SLC8B1: variants seen among roughly 807,000 people sequenced by gnomAD.
SLC8B1 encodes mitochondrial sodium/calcium exchanger protein.
In SLC8B1, 52 loss-of-function variants were observed where a neutral mutation model predicts 63.4. The observed-to-expected ratio is 0.82, with a 90% CI of 0.66 to 1.03. The LOEUF is 1.03. Ranked by LOEUF, SLC8B1 falls within the 50% of genes least tolerant of loss-of-function variation. The pLI is 0.00. For missense variants in SLC8B1, 657 were observed against 741.7 expected, an observed-to-expected ratio of 0.89 and a Z score of 1.33; for synonymous variants, 336 against 323.9, an observed-to-expected ratio of 1.04 and a Z score of -0.40.
At chr12:113,330,752 T>C (rs1160014492) in intron 2 of SLC8B1, among the ~76,000 whole-genome samples, 1 of 152,194 alleles carries the variant, frequency 6.6e-6, no homozygotes, top group East Asian at 1.9e-4. Flanking sequence ...TTGAAGGCAC[T>C]TTGCAGCCTC....
chr12:113,318,072 T>C (rs1956860876), intron 8 of SLC8B1, among the ~76,000 whole-genome samples: 1 of 152,120 alleles, frequency 6.6e-6, no homozygotes, highest in Non-Finnish European at 1.5e-5. Flanking sequence ...CATGTGTGCA[T>C]ATATTTGTGT....
chr12:113,306,684 G>T, intron 13 of SLC8B1, 109 bp from the exon 14 acceptor site: 1 of 890,678 alleles, frequency 1.1e-6, no homozygotes, highest in Non-Finnish European at 1.8e-6. Context: ...AACACAGATG[G>T]ATGCCCAAGT....
At position 113,299,294 on chromosome 12, in the gene SLC8B1, G is replaced by A. The variant is rs186328084; in HGVS notation, c.*483C>T. 33 of 175,874 alleles carry A rather than the reference G, an allele frequency of 1.9e-4. No individual in the cohort carries two copies. Among genetic ancestry groups the A allele is most frequent in the Admixed American group, 3.2e-4 (6 of 18,488 alleles). The allele number at this position is 175,874 out of a possible 1,614,324, so 10.9% of individuals were successfully genotyped here. A position where few individuals can be genotyped will look rare whatever the true frequency, so the allele number is the denominator to read the frequency against. ...GCGGCTCTGGAGCTCAGCCCTCGGC[G>A]GCCTGATTCCCAGGGGTCCAAGCCA... On this transcript the variant is annotated 3_prime_UTR_variant, in exon 16 of 16. Transcript: ENST00000680972.
chr12:113,302,895 G>A (rs190908821), intron 15 of SLC8B1, among the ~76,000 whole-genome samples: 86 of 152,280 alleles, frequency 5.6e-4, no homozygotes, highest in African/African-American at 2.0e-3. Flanking sequence ...GTTTCAAAGC[G>A]ACTTGTGGTT....
chr12:113,332,823 AG>A lies in SLC8B1; in HGVS notation c.55del (p.Leu19Ter). ...AGTCCCAGACACTGTCTCCGCCATTAGCAGCACACAAAGCACACTCAGTGCC... is the reference window on the plus strand; with the variant it reads ...AGTCCCAGACACTGTCTCCGCCATTACAGCACACAAAGCACACTCAGTGCC... The part of the protein sequence containing the change: ...RWALSVLCVL[L>X]MAETVSGTRG... On this transcript the variant is annotated frameshift_variant, in exon 2 of 16. Transcript: ENST00000680972. LOFTEE classifies it high-confidence loss of function. 1 of 1,614,200 alleles carries A rather than the reference AG, an allele frequency of 6.2e-7. No homozygotes were observed. The highest frequency in any genetic ancestry group is 8.5e-7 in the Non-Finnish European group (1 of 1,180,034).
At chr12:113,325,338 C>T (rs1243703294) in intron 2 of SLC8B1, among the ~76,000 whole-genome samples, 3 of 152,206 alleles carry the variant, frequency 2.0e-5, no homozygotes, top group African/African-American at 7.2e-5. Context: ...ACTTCAGCCT[C>T]GAACTCCTGG....
intron 10 of SLC8B1, 129 bp downstream of exon 10, chr12:113,316,397 A>G: frequency 8.0e-7 from 1 of 1,247,532 alleles, no homozygotes; most frequent in African/African-American, 1.5e-5. Context: ...CCATCAAATC[A>G]CAAGTCATGT....
At chr12:113,300,849 C>T (rs897589023) in intron 15 of SLC8B1, among the ~76,000 whole-genome samples, 2 of 152,168 alleles carry the variant, frequency 1.3e-5, no homozygotes, top group Admixed American at 6.5e-5. Flanking sequence ...AATATGGATG[C>T]GTTAGGCCGG....
intron 2 of SLC8B1, among the ~76,000 whole-genome samples, chr12:113,323,820 C>G (rs1163288342): frequency 2.0e-5 from 3 of 152,182 alleles, no homozygotes; most frequent in Non-Finnish European, 4.4e-5. Context: ...TCCACAAGCC[C>G]TCTCTGAACT....
intron 2 of SLC8B1, among the ~76,000 whole-genome samples, chr12:113,327,944 C>T (rs1247344831): frequency 1.4e-5 from 2 of 145,418 alleles, no homozygotes; most frequent in East Asian, 2.0e-4. Flanking sequence ...CACCATTGCA[C>T]TCCAGCCTAG....
At chr12:113,300,573 C>G (rs572171440) in intron 15 of SLC8B1, among the ~76,000 whole-genome samples, 2 of 152,356 alleles carry the variant, frequency 1.3e-5, no homozygotes, top group South Asian at 4.1e-4. Flanking sequence ...TTAAGGAAGA[C>G]TGGCCTGCAG....
Position 113,320,630 on chromosome 12 carries a change from C to T in SLC8B1, c.477G>A (p.Val159=). 1 of 1,614,102 alleles carries T rather than the reference C, an allele frequency of 6.2e-7. No individual in the cohort carries two copies. Among genetic ancestry groups the T allele is most frequent in the South Asian group, 1.1e-5 (1 of 91,084 alleles). ...NGAPDIFSAL[V]AFSDPHTAGL... ...CGGCTGTGTGCGGGTCAGAGAAGGC[C>T]ACCAGGGCACTGAAGATGTCAGGTG... Residue 159 remains valine, a synonymous_variant, in exon 6 of 16, where the codon GTG becomes GTA. Coordinates refer to ENST00000680972, the MANE Select transcript of SLC8B1 (RefSeq NM_001358345.2). The surrounding 1 kb of genome is among the most constrained non-coding windows in gnomAD (Gnocchi z 5.3).
chr12:113,315,332 C>G lies in SLC8B1; in HGVS notation c.1135+3G>C, dbSNP rs1403979489. On this transcript the variant is annotated splice_donor_region_variant and intron_variant, in intron 11 of 15. Transcript: ENST00000680972. ...GGGTTGGCCCGGGGTAGGGGATACT[C>G]ACAGGTCCCCGACTGCAGGGTCAGG... 4 of 1,529,820 alleles carry G rather than the reference C, an allele frequency of 2.6e-6. No individual in the cohort carries two copies. Among genetic ancestry groups the G allele is most frequent in the Non-Finnish European group, 2.6e-6 (3 of 1,135,256 alleles). 94.8% of individuals were successfully genotyped at this position (1,529,820 alleles called of 1,614,324 possible).
Position 113,316,950 on chromosome 12 carries a change from T to C in SLC8B1, c.854A>G (p.Tyr285Cys), listed in dbSNP as rs1289845708. 1.1e-5 allele frequency: 17 copies of C among 1,613,450 alleles called. No homozygotes were observed. The East Asian group carries it at 1.1e-4, about 11-fold the overall frequency. The stretch of plus-strand genomic sequence containing the variant: ...ACAGGGCACGGACTCACCGTAGTCA[T>C]AGCTGTTGGTATTAGAAGATACCCG... ...EDRVSSNTNS[Y>C]DYGDEYRPLF... Residue 285 changes from tyrosine to cysteine, a missense_variant, in exon 9 of 16, where the codon TAT becomes TGT. Tyr to Cys is a radical substitution (Grantham distance 194, BLOSUM62 -2). Coordinates refer to ENST00000680972, the MANE Select transcript of SLC8B1 (RefSeq NM_001358345.2).
intron 2 of SLC8B1, 107 bp downstream of exon 2, chr12:113,332,616 A>C: frequency 7.5e-7 from 1 of 1,333,898 alleles, no homozygotes; most frequent in Non-Finnish European, 1.0e-6. Flanking sequence ...TCCCCGGTAT[A>C]TCCCAGGCTG....
At chr12:113,304,733 C>G (rs1956649092) in intron 14 of SLC8B1, among the ~76,000 whole-genome samples, 1 of 152,168 alleles carries the variant, frequency 6.6e-6, no homozygotes, top group South Asian at 2.1e-4. Context: ...TCCCAAGTAG[C>G]TGGGATCACA....
Position 113,306,549 on chromosome 12 carries a change from G to C in SLC8B1, c.1438C>G (p.Arg480Gly). 8 of 1,613,994 alleles carry C rather than the reference G, an allele frequency of 5.0e-6. No homozygotes were observed. Among genetic ancestry groups the C allele is most frequent in the Non-Finnish European group, 6.8e-6 (8 of 1,179,964 alleles). Residue 480 changes from arginine to glycine, a missense_variant, in exon 14 of 16, where the codon CGC becomes GGC. Transcript: ENST00000680972. ...GDAFSDFTLA[R>G]QGYPRMAFSA... is the part of the protein sequence containing the mutation. ...AACGCCATCCGTGGGTAGCCCTGGC[G>C]AGCCAGTGTGAAATCCGAGAAGGCA...
chr12:113,334,125 A>G (rs1311552127), intron 1 of SLC8B1, among the ~76,000 whole-genome samples: 3 of 152,232 alleles, frequency 2.0e-5, no homozygotes, highest in African/African-American at 4.8e-5. Flanking sequence ...ACCGCGGGTT[A>G]GCAGTGGGGC....
chr12:113,319,100 G>A, intron 7 of SLC8B1, 29 bp from the exon 8 acceptor site: 1 of 1,558,318 alleles, frequency 6.4e-7, no homozygotes. Context: ...CCGTCACCAA[G>A]TGGTGTCCTG....
Sources: gnomAD v4.1 joint callset for allele counts (sites outside exome capture counted in the v4.1 genomes callset) on GRCh38, gnomAD v4.1.1 for gene constraint, Gnocchi (gnomAD v3.1) non-coding constraint, MANE v1.5 for transcripts, NCBI Gene and HGNC (gene_info 2026-07-23, HGNC 2026-07-21) for gene names.